Variants in VSTM5 observed in about 807,000 individuals in gnomAD.
The protein encoded by VSTM5 is V-set and transmembrane domain containing 5, also known as V-set and transmembrane domain-containing protein 5.
A neutral mutation model predicts 20.3 loss-of-function variants in VSTM5; 21 were observed. The ratio of observed to expected loss-of-function variants is 1.03; its 90% confidence interval spans 0.73 to 1.49. The LOEUF (loss-of-function observed/expected upper bound fraction) is 1.49. Among genes scored for constraint, VSTM5 ranks in the 40% most tolerant of loss-of-function variants. VSTM5 has a pLI of 0.00. For synonymous variants in VSTM5, 100 were observed against 102.5 expected (o/e 0.98, Z 0.14); for missense variants, 219 against 250.0 (o/e 0.88, Z 0.84).
Position 93,821,040 on chromosome 11 carries a change from G to C in VSTM5, c.375C>G (p.Arg125=). 1 of 1,551,710 alleles carries C rather than the reference G, an allele frequency of 6.4e-7. No homozygotes were observed. The highest frequency in any genetic ancestry group is 8.7e-7 in the Non-Finnish European group (1 of 1,146,998). Residue 125 remains arginine, a synonymous_variant, in exon 2 of 4, where the codon CGC becomes CGG. Transcript: ENST00000409977. ...SGYYVITVTE[R]LGSSQFGTIV... ...TGGTGCCAAACTGGCTGCTCCCCAG[G>C]CGCTCCGTCACGGTGATGACATAGT...
At chr11:93,828,448 A>G (rs1359835644) in intron 1 of VSTM5, among the ~76,000 whole-genome samples, 1 of 152,240 alleles carries the variant, frequency 6.6e-6, no homozygotes, top group Non-Finnish European at 1.5e-5. Context: ...TTACAAATAA[A>G]TTACAAAGGT....
intron 1 of VSTM5, among the ~76,000 whole-genome samples, chr11:93,822,361 C>T (rs1274583566): frequency 6.6e-6 from 1 of 152,072 alleles, no homozygotes; most frequent in Non-Finnish European, 1.5e-5. Flanking sequence ...GGATTACAGG[C>T]ATGAGCCAGT....
At chr11:93,836,971 G>A (rs906069380) in intron 1 of VSTM5, among the ~76,000 whole-genome samples, 85 of 150,096 alleles carry the variant, frequency 5.7e-4, no homozygotes, top group African/African-American at 1.9e-3. Context: ...TGACCCTTGG[G>A]ATCCTATTTG....
At chr11:93,825,141 C>T (rs1386167946) in intron 1 of VSTM5, among the ~76,000 whole-genome samples, 2 of 152,196 alleles carry the variant, frequency 1.3e-5, no homozygotes, top group Non-Finnish European at 2.9e-5. Context: ...TTTGGCTATT[C>T]AGGATCTTTT....
intron 1 of VSTM5, among the ~76,000 whole-genome samples, chr11:93,842,162 T>C (rs1179390399): frequency 6.6e-6 from 1 of 152,262 alleles, no homozygotes; most frequent in Non-Finnish European, 1.5e-5. Flanking sequence ...ATGATAATTC[T>C]TTGAAGATGC....
At chr11:93,825,936 T>A (rs1298530) in intron 1 of VSTM5, among the ~76,000 whole-genome samples, 115,374 of 148,982 alleles carry the variant, frequency 0.77, 46,112 homozygotes, top group South Asian at 0.87. Flanking sequence ...GAGTTGATTT[T>A]AAAAAAAAAA....
intron 1 of VSTM5, among the ~76,000 whole-genome samples, chr11:93,834,542 TG>T (rs1053664862): frequency 2.0e-5 from 3 of 152,044 alleles, no homozygotes; most frequent in African/African-American, 7.2e-5. Flanking sequence ...TTCAGGAGGT[TG>T]GGGCAGATGG....
intron 1 of VSTM5, 99 bp downstream of exon 1, chr11:93,850,313 G>A (rs1482874850): frequency 2.9e-6 from 3 of 1,046,264 alleles, no homozygotes; most frequent in Non-Finnish European, 2.7e-6. Context: ...GACAAGGTGG[G>A]CGAGGGCCAG....
chr11:93,825,097 T>C (rs1265273415), intron 1 of VSTM5, among the ~76,000 whole-genome samples: 2 of 152,238 alleles, frequency 1.3e-5, no homozygotes, highest in East Asian at 3.9e-4. Flanking sequence ...GGAGGCATGA[T>C]GCCTTCAGCT....
intron 1 of VSTM5, among the ~76,000 whole-genome samples, chr11:93,833,358 C>T (rs1053830044): frequency 6.6e-6 from 1 of 152,024 alleles, no homozygotes; most frequent in South Asian, 2.1e-4. Context: ...GCAGGCGGAT[C>T]GCCTGAGCCT....
At position 93,840,577 on chromosome 11, in the gene VSTM5, A is replaced by G. The variant is rs185962094; in HGVS notation, c.91+9835T>C. Among the ~76,000 whole-genome samples the G allele has an allele frequency of 1.6e-4, 24 of 152,282 alleles. No homozygotes were observed. The East Asian group carries it at 4.4e-3, about 28-fold the overall frequency. ...ATGGACTATTTCTGGCATCACTCAA[A>G]TTTTACTGTATCTGGCTAGTCCTAT... On this transcript the variant is annotated intron_variant, in intron 1 of 3. Transcript: ENST00000409977.
intron 1 of VSTM5, among the ~76,000 whole-genome samples, chr11:93,841,795 AGGAAAGTTTT>A (rs1466387105): frequency 6.6e-6 from 1 of 152,178 alleles, no homozygotes; most frequent in Non-Finnish European, 1.5e-5. Flanking sequence ...ATCTTGGGGA[AGGAAAGTTTT>A]GGGACATGCA....
chr11:93,829,294 A>G (rs954794789), intron 1 of VSTM5, among the ~76,000 whole-genome samples: 2 of 152,260 alleles, frequency 1.3e-5, no homozygotes, highest in Non-Finnish European at 2.9e-5. Context: ...TGGGAGGCCA[A>G]GGTGGGCAGA....
At chr11:93,842,993 A>G (rs947851289) in intron 1 of VSTM5, among the ~76,000 whole-genome samples, 1 of 152,032 alleles carries the variant, frequency 6.6e-6, no homozygotes, top group Non-Finnish European at 1.5e-5. Flanking sequence ...CAGGAGGCAG[A>G]GGCAGGAGAA....
Position 93,819,203 on chromosome 11 carries a change from ATG to A in VSTM5, c.*1364_*1365del, listed in dbSNP as rs1944158581. The A allele has an allele frequency of 6.6e-6, 1 of 152,294 alleles. No individual in the cohort carries two copies. Among genetic ancestry groups the A allele is most frequent in the Non-Finnish European group, 1.5e-5 (1 of 68,086 alleles). 9.4% of individuals were successfully genotyped at this position (152,294 alleles called of 1,614,324 possible). A position where few individuals can be genotyped will look rare whatever the true frequency, so the allele number is the denominator to read the frequency against. ...TGTTCTAAGACTTCTTAACCTTTGCATGGGTGAATTTGCAACTGAGGACTAGG... is the reference window on the plus strand; with the variant it reads ...TGTTCTAAGACTTCTTAACCTTTGCAGGTGAATTTGCAACTGAGGACTAGG... On this transcript the variant is annotated 3_prime_UTR_variant, in exon 4 of 4. Transcript: ENST00000409977.
intron 1 of VSTM5, chr11:93,827,472 T>G (rs1271446693): frequency 6.6e-6 from 1 of 152,216 alleles, no homozygotes; most frequent in Admixed American, 6.5e-5. Context: ...AAAGTTGAAT[T>G]AATGAGTAAC....
At position 93,834,821 on chromosome 11, in the gene VSTM5, A is replaced by G. The variant is rs984758371; in HGVS notation, c.92-13498T>C. On this transcript the variant is annotated intron_variant, in intron 1 of 3. Coordinates refer to ENST00000409977, the MANE Select transcript of VSTM5 (RefSeq NM_001144871.2). ...AAAAAAAATTTAAAAATAAAAATAAAATAAGAAATTTAATCCCTAGTGTAA... is the reference window on the plus strand; with the variant it reads ...AAAAAAAATTTAAAAATAAAAATAAGATAAGAAATTTAATCCCTAGTGTAA... Among the ~76,000 whole-genome samples, 6 of 151,884 alleles carry G rather than the reference A, an allele frequency of 4.0e-5. No individual in the cohort carries two copies. The East Asian group carries it at 9.6e-4, about 24-fold the overall frequency.
At chr11:93,834,913 G>A (rs1050556420) in intron 1 of VSTM5, among the ~76,000 whole-genome samples, 6 of 151,956 alleles carry the variant, frequency 3.9e-5, no homozygotes, top group East Asian at 1.9e-4. Context: ...ATGAATGAAC[G>A]AACCCATTCA....
At chr11:93,850,006 C>T (rs189158838) in intron 1 of VSTM5, among the ~76,000 whole-genome samples, 3 of 152,336 alleles carry the variant, frequency 2.0e-5, no homozygotes, top group Admixed American at 1.3e-4. Context: ...CAGTAGGGGG[C>T]GGCGCACGGA....
Sources: gnomAD v4.1 joint callset for allele counts (sites outside exome capture counted in the v4.1 genomes callset) on GRCh38, gnomAD v4.1.1 for gene constraint, MANE v1.5 for transcripts, NCBI Gene and HGNC (gene_info 2026-07-23, HGNC 2026-07-21) for gene names.